The following DPP8 variants were observed in gnomAD, a reference collection of about 807,000 sequenced individuals.
DPP8 encodes dipeptidyl peptidase 8, also known as DPP VIII.
In DPP8, 31 loss-of-function variants were observed where a neutral mutation model predicts 107.5. That is an observed-to-expected ratio of 0.29 (90% CI 0.22 to 0.39). The LOEUF (loss-of-function observed/expected upper bound fraction) is 0.39, where lower values mean the gene tolerates loss of function less well. Among genes scored for constraint, DPP8 ranks in the 10% least tolerant of loss-of-function variants. The pLI is 1.00. For synonymous variants in DPP8, 381 were observed against 356.6 expected, an observed-to-expected ratio of 1.07 and a Z score of -0.77; for missense variants, 842 against 1,076.1, an observed-to-expected ratio of 0.78 and a Z score of 3.04.
chr15:65,448,872 A>ATATATGTGTGTGTGTGTGTG (rs1555444639), intron 19 of DPP8, among the ~76,000 whole-genome samples: 1 of 8,356 alleles, frequency 1.2e-4, no homozygotes, highest in African/African-American at 4.5e-4. Context: ...TAAAATATAT[A>ATATATGTGTGTGTGTGTGTG]TATATATATA....
At chr15:65,514,900 T>A (rs534347184) in intron 1 of DPP8, among the ~76,000 whole-genome samples, 3 of 152,294 alleles carry the variant, frequency 2.0e-5, no homozygotes, top group South Asian at 4.1e-4. Context: ...TTCTCTTGTG[T>A]TACGTTTGGA....
At chr15:65,452,945 TG>T (rs2064103379) in intron 17 of DPP8, among the ~76,000 whole-genome samples, 1 of 152,110 alleles carries the variant, frequency 6.6e-6, no homozygotes, top group Non-Finnish European at 1.5e-5. Context: ...CATTCCAGCC[TG>T]GGTGACAGCA....
At chr15:65,499,470 G>A (rs897360403) in intron 4 of DPP8, among the ~76,000 whole-genome samples, 4 of 152,174 alleles carry the variant, frequency 2.6e-5, no homozygotes, top group East Asian at 1.9e-4. Flanking sequence ...TGATCTGCCC[G>A]CCTCAGCCTC....
chr15:65,513,316 C>T (rs2071041045), intron 1 of DPP8, among the ~76,000 whole-genome samples: 3 of 152,114 alleles, frequency 2.0e-5, no homozygotes, highest in Admixed American at 2.0e-4. Flanking sequence ...CAGGTTCACG[C>T]CATTCTCTGC....
intron 1 of DPP8, among the ~76,000 whole-genome samples, chr15:65,514,888 A>C (rs1596173566): frequency 6.6e-6 from 1 of 152,314 alleles, no homozygotes; most frequent in Non-Finnish European, 1.5e-5. Flanking sequence ...ATTTTTCTCA[A>C]CTTCTCTTGT....
At chr15:65,475,315 G>C in intron 11 of DPP8, 4 of 890,412 alleles carry the variant, frequency 4.5e-6, no homozygotes, top group Non-Finnish European at 7.2e-6. Context: ...GGTGGAAGTT[G>C]GGTCAGCTGC....
At chr15:65,475,305 G>T in intron 11 of DPP8, 1 of 786,126 alleles carries the variant, frequency 1.3e-6, no homozygotes, top group Non-Finnish European at 2.2e-6. Context: ...CCCAGTGGTA[G>T]GTGGAAGTTG....
chr15:65,464,758 GAC>G (rs1416883687), intron 14 of DPP8, among the ~76,000 whole-genome samples: 3 of 152,162 alleles, frequency 2.0e-5, no homozygotes, highest in African/African-American at 7.2e-5. Flanking sequence ...TTCAGAAGCA[GAC>G]ACAGAGTGTT....
chr15:65,501,102 C>A (rs2069186354), intron 3 of DPP8, among the ~76,000 whole-genome samples: 2 of 152,064 alleles, frequency 1.3e-5, no homozygotes, highest in Admixed American at 1.3e-4. Context: ...TGGTCTCCAT[C>A]TCCTGACCTC....
chr15:65,498,492 C>A (rs2140974360), intron 4 of DPP8, among the ~76,000 whole-genome samples: 1 of 151,016 alleles, frequency 6.6e-6, no homozygotes, highest in East Asian at 1.9e-4. Context: ...CCTTAACTTA[C>A]CAGAAAGGAA....
At chr15:65,483,583 A>T (rs2067128107) in intron 8 of DPP8, among the ~76,000 whole-genome samples, 1 of 138,112 alleles carries the variant, frequency 7.2e-6, no homozygotes. Context: ...ACTTTTCTTC[A>T]AACAATAAAA....
At chr15:65,460,817 A>T (rs1055877916) in intron 15 of DPP8, among the ~76,000 whole-genome samples, 1 of 152,092 alleles carries the variant, frequency 6.6e-6, no homozygotes, top group Non-Finnish European at 1.5e-5. Flanking sequence ...TCCTGTCCAT[A>T]TTTTCAATTC....
intron 11 of DPP8, chr15:65,475,495 G>A (rs1201886359): frequency 2.3e-5 from 35 of 1,492,810 alleles, no homozygotes; most frequent in Non-Finnish European, 3.2e-5. Flanking sequence ...CTCCCACATA[G>A]GCCATCACAT....
intron 5 of DPP8, among the ~76,000 whole-genome samples, chr15:65,494,272 G>A (rs1349882242): frequency 6.6e-6 from 1 of 150,814 alleles, no homozygotes; most frequent in Non-Finnish European, 1.5e-5. Flanking sequence ...TCACTCCAAG[G>A]CTGGAGTGCA....
chr15:65,509,229 C>G (rs1555473622), intron 2 of DPP8, among the ~76,000 whole-genome samples: 1 of 152,152 alleles, frequency 6.6e-6, no homozygotes, highest in Non-Finnish European at 1.5e-5. Flanking sequence ...CTGTGGTCAC[C>G]TATCAATACC....
intron 4 of DPP8, among the ~76,000 whole-genome samples, chr15:65,500,125 AT>A (rs1413285952): frequency 1.3e-5 from 2 of 151,998 alleles, no homozygotes; most frequent in South Asian, 4.1e-4. Flanking sequence ...TGGTAAAAAA[AT>A]TATCTCCTAA....
intron 19 of DPP8, among the ~76,000 whole-genome samples, chr15:65,447,267 A>C (rs1490405011): frequency 6.6e-6 from 1 of 152,200 alleles, no homozygotes; most frequent in Non-Finnish European, 1.5e-5. Context: ...GAGGTCTCTG[A>C]AACCTTTTCA....
intron 12 of DPP8, among the ~76,000 whole-genome samples, chr15:65,469,923 G>A (rs545059189): frequency 4.7e-4 from 71 of 152,106 alleles, no homozygotes; most frequent in Non-Finnish European, 8.1e-4. Flanking sequence ...ATGGCCAGGT[G>A]TGGTGGCTCA....
Position 65,480,381 on chromosome 15 carries a change from T to G in DPP8, c.1137A>C (p.Leu379=). 2 of 1,612,258 alleles carry G rather than the reference T, an allele frequency of 1.2e-6. No individual in the cohort carries two copies. The highest frequency in any genetic ancestry group is 1.7e-5 in the Admixed American group (1 of 59,702). The part of the protein sequence containing the change: ...PEGKYAWSIL[L]DRSQTRLQIV... Reference sequence around the variant, plus strand: ...TCTGTAGGCGAGTCTGGGAGCGATCTAGTAGGATGGACCAAGCACTATTTA... The same window carrying G: ...TCTGTAGGCGAGTCTGGGAGCGATCGAGTAGGATGGACCAAGCACTATTTA... The change falls in exon 10 of 20, where the codon CTA becomes CTC. Residue 379 remains leucine, a synonymous_variant. Coordinates refer to ENST00000300141, the MANE Select transcript of DPP8 (RefSeq NM_130434.5).
Sources: gnomAD v4.1 joint callset for allele counts (sites outside exome capture counted in the v4.1 genomes callset) on GRCh38, gnomAD v4.1.1 for gene constraint, MANE v1.5 for transcripts, NCBI Gene and HGNC (gene_info 2026-07-23, HGNC 2026-07-21) for gene names.